The following NUP160 variants were observed in gnomAD, a reference collection of about 807,000 sequenced individuals.
NUP160 encodes nucleoporin 160.
Under a neutral mutation model 196.9 loss-of-function variants are expected in NUP160, and 94 were observed. The observed-to-expected ratio is 0.48, with a 90% CI of 0.40 to 0.57. The LOEUF (loss-of-function observed/expected upper bound fraction) is 0.57, where lower values mean the gene tolerates loss of function less well. NUP160 is among the 20% of genes least tolerant of loss of function. NUP160 has a pLI of 0.00. For missense variants in NUP160, 1,638 were observed against 1,748.3 expected (o/e 0.94, Z 1.13); for synonymous variants, 605 against 619.7 (o/e 0.98, Z 0.35).
At chr11:47,848,278 A>G in exon 1 of NUP160, 1 of 1,614,182 alleles carries the variant, frequency 6.2e-7, no homozygotes, top group Non-Finnish European at 8.5e-7. Flanking sequence ...AGCTCCGCTT[A>G]GCTCCACGAA....
chr11:47,781,325 T>C (rs1303850911), intron 34 of NUP160, among the ~76,000 whole-genome samples: 1 of 152,018 alleles, frequency 6.6e-6, no homozygotes, highest in Non-Finnish European at 1.5e-5. Flanking sequence ...TGTAGTGGCA[T>C]GATCATAGCT....
intron 34 of NUP160, among the ~76,000 whole-genome samples, chr11:47,782,299 AAAAAATATATATAT>A (rs2097661530): frequency 2.2e-5 from 1 of 45,444 alleles, no homozygotes; most frequent in African/African-American, 1.1e-4. Flanking sequence ...TAAAAAAAAA[AAAAAATATATATAT>A]ATATATATAT....
At chr11:47,800,114 T>G (rs1007540172) in intron 23 of NUP160, among the ~76,000 whole-genome samples, 1 of 151,642 alleles carries the variant, frequency 6.6e-6, no homozygotes, top group South Asian at 2.1e-4. Context: ...ATTAGTGGGG[T>G]GTGGTGGTGC....
At chr11:47,837,732 C>A in intron 4 of NUP160, 109 bp from the exon 5 acceptor site, 1 of 762,280 alleles carries the variant, frequency 1.3e-6, no homozygotes, top group East Asian at 2.5e-5. Flanking sequence ...TTCCGTATTT[C>A]TGTACTAACA....
intron 32 of NUP160, 38 bp from the exon 33 acceptor site, chr11:47,785,101 C>CATTTTTTTTTTTTTTTT: frequency 9.0e-7 from 1 of 1,107,988 alleles, no homozygotes. Flanking sequence ...GTTTCAGATT[C>CATTTTTTTTTTTTTTTT]TTAATAGCTA....
chr11:47,790,321 G>A (rs780559359), intron 29 of NUP160, among the ~76,000 whole-genome samples: 8 of 151,854 alleles, frequency 5.3e-5, no homozygotes, highest in Non-Finnish European at 1.0e-4. Flanking sequence ...GTGCAGTGGC[G>A]CGATCTCAGC....
chr11:47,815,936 CA>C lies in NUP160; in HGVS notation c.1515+9del. On this transcript the variant is annotated intron_variant, in intron 12 of 35. Coordinates refer to ENST00000378460, the Ensembl canonical transcript of NUP160. The stretch of plus-strand genomic sequence containing the variant: ...AAGGAATTCTTATTCTTTCTCTACC[CA>C]AGCCTCACCTCATTTTCAACAGCTA... 6.2e-7 allele frequency: 1 copy of C among 1,602,456 alleles called. No individual in the cohort carries two copies. The highest frequency in any genetic ancestry group is 1.1e-5 in the South Asian group (1 of 90,700).
intron 4 of NUP160, chr11:47,839,620 T>G (rs1852254548): frequency 1.9e-6 from 1 of 520,388 alleles, no homozygotes; most frequent in Non-Finnish European, 3.4e-6. Context: ...TAGAATAGGC[T>G]GTCTTATACT....
At chr11:47,781,995 C>T (rs1247945649) in intron 34 of NUP160, among the ~76,000 whole-genome samples, 5 of 151,830 alleles carry the variant, frequency 3.3e-5, no homozygotes, top group Admixed American at 3.3e-4. Context: ...AAAAGAAATG[C>T]CTAGGCCGGG....
chr11:47,793,908 T>C (rs191222277), intron 27 of NUP160, among the ~76,000 whole-genome samples: 286 of 152,036 alleles, frequency 1.9e-3, no homozygotes, highest in Middle Eastern at 0.014. Flanking sequence ...ACCTGGCTAA[T>C]TTTTAAAGAC....
At position 47,848,361 on chromosome 11, in the gene NUP160, C is replaced by T; in HGVS notation, c.60G>A (p.Arg20=). 1 of 1,611,218 alleles carries T rather than the reference C, an allele frequency of 6.2e-7. No homozygotes were observed. Among genetic ancestry groups the T allele is most frequent in the Non-Finnish European group, 8.5e-7 (1 of 1,178,876 alleles). Reference sequence around the variant, plus strand: ...GACGCCCAACGGAACAAAGGCAGGGCCGCGCGGTCGCCGTCACTTCCGGGG... The same window carrying T: ...GACGCCCAACGGAACAAAGGCAGGGTCGCGCGGTCGCCGTCACTTCCGGGG... The change falls in exon 1 of 36, where the codon CGG becomes CGA. Residue 20 remains arginine (R), a synonymous_variant. Coordinates refer to ENST00000378460, the Ensembl canonical transcript of NUP160.
intron 7 of NUP160, among the ~76,000 whole-genome samples, chr11:47,830,724 G>A (rs535544955): frequency 2.0e-5 from 3 of 152,310 alleles, no homozygotes; most frequent in African/African-American, 7.2e-5. Context: ...AGGTTGGGAG[G>A]AGGGAGTGGA....
chr11:47,835,510 T>C (rs954269550), intron 7 of NUP160, 141 bp downstream of exon 7: 3 of 524,634 alleles, frequency 5.7e-6, no homozygotes, highest in African/African-American at 3.9e-5. Flanking sequence ...CTAATTCACA[T>C]AGTAGCACGA....
intron 2 of NUP160, among the ~76,000 whole-genome samples, chr11:47,846,669 T>G (rs1257442176): frequency 6.6e-6 from 1 of 152,198 alleles, no homozygotes; most frequent in Non-Finnish European, 1.5e-5. Context: ...ACTTGGGCCA[T>G]GATAAAAGCA....
At chr11:47,806,356 T>C (rs758103600) in intron 19 of NUP160, 44 bp from the exon 20 acceptor site, 1 of 1,438,276 alleles carries the variant, frequency 7.0e-7, no homozygotes, top group African/African-American at 1.4e-5. Context: ...GTGGTAATTA[T>C]CAATTTTCAA....
At chr11:47,779,616 A>G (rs976144282) in intron 35 of NUP160, 1 of 515,592 alleles carries the variant, frequency 1.9e-6, no homozygotes, top group African/African-American at 1.9e-5. Flanking sequence ...ACTCAAGGAA[A>G]CACTATTGTT....
chr11:47,817,235 C>G (rs1157615547), intron 11 of NUP160, among the ~76,000 whole-genome samples: 1 of 151,918 alleles, frequency 6.6e-6, no homozygotes, highest in Non-Finnish European at 1.5e-5. Context: ...CTTCCCTCTT[C>G]AGCCTCCCAA....
At chr11:47,782,764 T>C (rs2097662202) in intron 34 of NUP160, among the ~76,000 whole-genome samples, 1 of 152,118 alleles carries the variant, frequency 6.6e-6, no homozygotes, top group Non-Finnish European at 1.5e-5. Flanking sequence ...GTTCAAGCGA[T>C]TCTCCTGCCT....
intron 23 of NUP160, among the ~76,000 whole-genome samples, chr11:47,799,516 G>A (rs2097672923): frequency 6.6e-6 from 1 of 152,004 alleles, no homozygotes; most frequent in Non-Finnish European, 1.5e-5. Flanking sequence ...CATTTATAAA[G>A]GATGAAGATA....
Sources: allele counts gnomAD v4.1 joint callset (sites outside exome capture counted in the v4.1 genomes callset), GRCh38; gene constraint gnomAD v4.1.1; transcripts MANE v1.5; gene names NCBI Gene and HGNC (gene_info 2026-07-23, HGNC 2026-07-21).